DAZL: variants seen among roughly 807,000 people sequenced by gnomAD.
DAZL encodes the protein deleted in azoospermia like.
DAZL carries 4 observed loss-of-function variants against 45.0 expected under a neutral mutation model. The observed-to-expected ratio is 0.09, with a 90% CI of 0.04 to 0.20. The LOEUF (loss-of-function observed/expected upper bound fraction) is 0.20. DAZL is among the 10% of genes least tolerant of loss of function. DAZL has a pLI of 1.00. For synonymous variants in DAZL, 122 were observed against 112.4 expected (o/e 1.09, Z -0.54); for missense variants, 326 against 351.3 (o/e 0.93, Z 0.58).
chr3:16,593,283 T>G (rs769829397), intron 9 of DAZL, among the ~76,000 whole-genome samples: 22 of 152,210 alleles, frequency 1.4e-4, no homozygotes, highest in Non-Finnish European at 2.6e-4. Flanking sequence ...ATGTATACAT[T>G]GAAAATTTGG....
intron 1 of DAZL, among the ~76,000 whole-genome samples, chr3:16,603,350 ATT>A (rs35320883): frequency 1.8e-4 from 27 of 148,210 alleles, no homozygotes; most frequent in East Asian, 4.0e-4. Context: ...TATTCATAGC[ATT>A]TTTTTTTTTT....
chr3:16,602,181 G>A (rs1203228433), intron 1 of DAZL, among the ~76,000 whole-genome samples: 1 of 151,960 alleles, frequency 6.6e-6, no homozygotes, highest in Admixed American at 6.6e-5. Context: ...AGCAAGAAAA[G>A]GCAAGAAAGC....
chr3:16,592,682 T>A (rs1333608857), intron 9 of DAZL, among the ~76,000 whole-genome samples: 2 of 152,320 alleles, frequency 1.3e-5, no homozygotes, highest in East Asian at 1.9e-4. Context: ...GATAGAATAC[T>A]GGTTTAAAAA....
rs967197136 is a variant in DAZL at position 16,588,420 on chromosome 3, T to G, written c.*240A>C. On this transcript the variant is annotated 3_prime_UTR_variant, in exon 11 of 11. Transcript: ENST00000399444. ...TTTAAAAAATCCTTGCAGATAAATCTTAGTTTCTTTCAGTCTCAATTATTT... is the reference window on the plus strand; with the variant it reads ...TTTAAAAAATCCTTGCAGATAAATCGTAGTTTCTTTCAGTCTCAATTATTT... The G allele has an allele frequency of 3.7e-5, 13 of 352,326 alleles. No individual in the cohort carries two copies. The highest frequency in any genetic ancestry group is 2.5e-4 in the African/African-American group (12 of 48,070). 21.8% of individuals were successfully genotyped at this position (352,326 alleles called of 1,614,324 possible).
chr3:16,604,715 GGCCCGCCGCCATCTT>G, intron 1 of DAZL: 2 of 1,360,950 alleles, frequency 1.5e-6, no homozygotes, highest in Non-Finnish European at 1.9e-6. Flanking sequence ...TCCCTCAGCA[GGCCCGCCGCCATCTT>G]GCGGAGCCAC....
At chr3:16,604,376 G>T in intron 1 of DAZL, 1 of 1,370,506 alleles carries the variant, frequency 7.3e-7, no homozygotes. Context: ...TTTATCGAGA[G>T]GGAAAAAACC....
intron 1 of DAZL, among the ~76,000 whole-genome samples, chr3:16,601,502 A>G (rs1361207001): frequency 6.6e-6 from 1 of 152,236 alleles, no homozygotes; most frequent in Non-Finnish European, 1.5e-5. Context: ...TTGATTAGCA[A>G]GGGTTGTTAA....
chr3:16,590,213 CTA>C (rs1188416825), intron 10 of DAZL, among the ~76,000 whole-genome samples: 6 of 126,504 alleles, frequency 4.7e-5, no homozygotes, highest in African/African-American at 1.5e-4. Flanking sequence ...ATTATACTAT[CTA>C]TGTAGAATGA....
intron 5 of DAZL, 30 bp downstream of exon 5, chr3:16,596,958 T>C: frequency 6.2e-7 from 1 of 1,612,876 alleles, no homozygotes; most frequent in Non-Finnish European, 8.5e-7. Flanking sequence ...TCTTTTATGT[T>C]TAAAAAGAAC....
chr3:16,603,886 T>C (rs1694732926), intron 1 of DAZL, among the ~76,000 whole-genome samples: 1 of 152,158 alleles, frequency 6.6e-6, no homozygotes, highest in African/African-American at 2.4e-5. Flanking sequence ...TGTACCAAAA[T>C]TTAACGGTTA....
At position 16,605,225 on chromosome 3, in the gene DAZL, T is replaced by C; in HGVS notation, c.-20A>G. 1 of 1,614,150 alleles carries C rather than the reference T, an allele frequency of 6.2e-7. No individual in the cohort carries two copies. ...CACCATGATGGCGGCAGGCAGCAGT[T>C]CCCGACCGGCTCCAGGAGGAGCAGA... is the stretch of plus-strand genomic sequence containing the variant. On this transcript the variant is annotated 5_prime_UTR_variant, in exon 1 of 11. Transcript: ENST00000399444.
At chr3:16,589,515 C>T (rs184742422) in intron 10 of DAZL, among the ~76,000 whole-genome samples, 3 of 152,000 alleles carry the variant, frequency 2.0e-5, no homozygotes, top group Non-Finnish European at 2.9e-5. Flanking sequence ...TCACAGGTCA[C>T]GCAGGAAACA....
At position 16,593,616 on chromosome 3, in the gene DAZL, A is replaced by G. The variant is rs377654785; in HGVS notation, c.735+39T>C. The G allele has an allele frequency of 1.8e-5, 23 of 1,269,190 alleles. No homozygotes were observed. The African/African-American group carries it at 2.9e-4, about 16-fold the overall frequency. The allele number at this position is 1,269,190 out of a possible 1,614,324, so 78.6% of individuals were successfully genotyped here. A position where few individuals can be genotyped will look rare whatever the true frequency, so the allele number is the denominator to read the frequency against. ...AAAACCATTATTAAAACTAGAAAAA[A>G]TAAATATGAAATATATATAAACAAA... On this transcript the variant is annotated intron_variant, in intron 9 of 10. Coordinates refer to ENST00000399444, the MANE Select transcript of DAZL (RefSeq NM_001351.4).
intron 7 of DAZL, 25 bp downstream of exon 7, chr3:16,595,289 A>G: frequency 7.5e-7 from 1 of 1,342,276 alleles, no homozygotes; most frequent in Non-Finnish European, 1.0e-6. Flanking sequence ...CTGAAAGTAA[A>G]TCATTTTACT....
rs149459899 is a variant in DAZL at position 16,591,498 on chromosome 3, T to C, written c.834+552A>G. Among the ~76,000 whole-genome samples the C allele has an allele frequency of 4.2e-4, 64 of 151,542 alleles. 1 individual carries two copies. In the East Asian group the frequency reaches 0.012, roughly 29 times the overall value. ...AGGCTGGAGTACAGTGGCACAATCA[T>C]GGCTCAATGCAGACTCAACTTCCCA... On this transcript the variant is annotated intron_variant, in intron 10 of 10. Transcript: ENST00000399444.
At chr3:16,604,816 G>C (rs918923070) in intron 1 of DAZL, 2 of 1,163,990 alleles carry the variant, frequency 1.7e-6, no homozygotes, top group Non-Finnish European at 2.3e-6. Flanking sequence ...GCGCGTGAGT[G>C]GGGGAGCGCG....
intron 1 of DAZL, among the ~76,000 whole-genome samples, chr3:16,603,783 G>T (rs1019983761): frequency 1.3e-5 from 2 of 152,180 alleles, no homozygotes; most frequent in African/African-American, 2.4e-5. Flanking sequence ...GATGCAAGTT[G>T]TAAAATAGTA....
At chr3:16,604,468 G>C (rs1247984365) in intron 1 of DAZL, 2 of 1,531,288 alleles carry the variant, frequency 1.3e-6, no homozygotes, top group East Asian at 2.5e-5. Flanking sequence ...CGTCAGGCGA[G>C]CTTTTCTGTC....
chr3:16,604,536 G>A (rs1335562329), intron 1 of DAZL: 5 of 1,467,572 alleles, frequency 3.4e-6, no homozygotes, highest in Admixed American at 5.1e-5. Flanking sequence ...GGCGCGAGGG[G>A]ACCAGAGGCA....
Sources: gnomAD v4.1 joint callset for allele counts (sites outside exome capture counted in the v4.1 genomes callset) on GRCh38, gnomAD v4.1.1 for gene constraint, MANE v1.5 for transcripts, NCBI Gene and HGNC (gene_info 2026-07-23, HGNC 2026-07-21) for gene names.